HMCES: variants seen among roughly 807,000 people sequenced by gnomAD.
HMCES encodes abasic site processing protein HMCES.
Under a neutral mutation model 35.1 loss-of-function variants are expected in HMCES, and 27 were observed. The observed-to-expected ratio is 0.77, with a 90% CI of 0.57 to 1.06. The LOEUF (loss-of-function observed/expected upper bound fraction) is 1.06. HMCES is among the 50% of genes least tolerant of loss of function. HMCES has a pLI of 0.00. For synonymous variants in HMCES, 130 were observed against 154.7 expected (o/e 0.84, Z 1.18); for missense variants, 391 against 430.4 (o/e 0.91, Z 0.81).
intron 5 of HMCES, among the ~76,000 whole-genome samples, chr3:129,299,829 C>T (rs1057211014): frequency 2.6e-5 from 4 of 151,560 alleles, no homozygotes; most frequent in Non-Finnish European, 5.9e-5. Flanking sequence ...CAGGGTTTCG[C>T]CATGTTACCC....
chr3:129,280,508 A>T (rs1475942885), intron 2 of HMCES, among the ~76,000 whole-genome samples: 7 of 152,342 alleles, frequency 4.6e-5, no homozygotes, highest in Non-Finnish European at 5.9e-5. Flanking sequence ...GAAAAAATTT[A>T]AAAAAATAAA....
intron 4 of HMCES, among the ~76,000 whole-genome samples, chr3:129,295,367 G>T (rs1271367464): frequency 6.7e-6 from 1 of 149,740 alleles, no homozygotes; most frequent in Non-Finnish European, 1.5e-5. Context: ...AGCTTAGGAG[G>T]TCGAAGTTGC....
rs773572230 is a variant in HMCES at position 129,302,143 on chromosome 3, G to A, written c.828+1G>A. 1.4e-5 allele frequency: 22 copies of A among 1,609,892 alleles called. No individual in the cohort carries two copies. Among genetic ancestry groups the A allele is most frequent in the Non-Finnish European group, 1.9e-5 (22 of 1,178,380 alleles). On this transcript the variant is annotated splice_donor_variant, in intron 6 of 6. Transcript: ENST00000383463. LOFTEE classifies it high-confidence loss of function. ...TCCTGTCGACTTGGTGGTCAAAAAG[G>A]TAGGGGCCTGTGACTGGTACAGTCC...
Position 129,302,066 on chromosome 3 carries a change from C to G in HMCES, c.752C>G (p.Ala251Gly). 6.2e-7 allele frequency: 1 copy of G among 1,614,204 alleles called. No individual in the cohort carries two copies. Among genetic ancestry groups the G allele is most frequent in the Non-Finnish European group, 8.5e-7 (1 of 1,180,024 alleles). The change falls in exon 6 of 7, where the codon GCA becomes GGA. Residue 251 changes from alanine to glycine, a missense_variant. Physicochemically the swap from Ala to Gly is moderately conservative, Grantham distance 60. Coordinates refer to ENST00000383463, the MANE Select transcript of HMCES (RefSeq NM_020187.3). Reference sequence around the variant, plus strand: ...CCAACAGAGAACATCACCTTCCATGCAGTCTCTTCTGTGGTGAACAACTCG... The same window carrying G: ...CCAACAGAGAACATCACCTTCCATGGAGTCTCTTCTGTGGTGAACAACTCG... ...IHPTENITFH[A>G]VSSVVNNSRN...
chr3:129,291,904 A>G (rs940593771), intron 4 of HMCES, among the ~76,000 whole-genome samples: 3 of 152,318 alleles, frequency 2.0e-5, no homozygotes, highest in Middle Eastern at 3.4e-3. Flanking sequence ...CAATCTGGGC[A>G]ACATGGCGAA....
chr3:129,302,272 T>G, intron 6 of HMCES, 130 bp downstream of exon 6: 1 of 738,870 alleles, frequency 1.4e-6, no homozygotes, highest in South Asian at 2.0e-5. Flanking sequence ...ATACTCCTTG[T>G]ACACAGCAAG....
At chr3:129,288,810 G>C in intron 2 of HMCES, 44 bp from the exon 3 acceptor site, 2 of 1,358,324 alleles carry the variant, frequency 1.5e-6, no homozygotes, top group Non-Finnish European at 9.8e-7. Flanking sequence ...AATTAGGTTA[G>C]AATTTCATTA....
chr3:129,291,891 G>A (rs1034266242), intron 4 of HMCES, among the ~76,000 whole-genome samples: 2 of 152,252 alleles, frequency 1.3e-5, no homozygotes, highest in African/African-American at 4.8e-5. Flanking sequence ...AGGAGTTCAA[G>A]ACCAATCTGG....
intron 3 of HMCES, 43 bp from the exon 4 acceptor site, chr3:129,290,636 G>T (rs1412435542): frequency 1.9e-6 from 3 of 1,584,676 alleles, no homozygotes; most frequent in South Asian, 2.3e-5. Flanking sequence ...TGTGAAACAT[G>T]ATTGTATCAC....
At chr3:129,283,552 C>T (rs1225139526) in intron 2 of HMCES, among the ~76,000 whole-genome samples, 1 of 152,002 alleles carries the variant, frequency 6.6e-6, no homozygotes, top group African/African-American at 2.4e-5. Flanking sequence ...GAGCTCAGGC[C>T]AGGTGCAGAG....
chr3:129,304,522 C>T lies in HMCES; in HGVS notation c.829-67C>T, dbSNP rs2071210914. ...CCTAATGCCTCTTCCCCTGTTTCTT[C>T]CCTTGGACTTGGCCTTTTCCCAAAA... On this transcript the variant is annotated intron_variant, in intron 6 of 6. Transcript: ENST00000383463. 3.0e-6 allele frequency: 4 copies of T among 1,355,796 alleles called. No homozygotes were observed. The African/African-American group carries it at 4.3e-5, about 15-fold the overall frequency. 84.0% of individuals were successfully genotyped at this position (1,355,796 alleles called of 1,614,324 possible). A position where few individuals can be genotyped will look rare whatever the true frequency, so the allele number is the denominator to read the frequency against.
intron 2 of HMCES, among the ~76,000 whole-genome samples, chr3:129,281,461 C>T (rs1221749910): frequency 7.2e-5 from 11 of 151,728 alleles, no homozygotes; most frequent in Non-Finnish European, 1.5e-4. Flanking sequence ...GAGGCCAAGA[C>T]GGCTGGACCA....
At chr3:129,289,399 T>C (rs1251906873) in intron 3 of HMCES, among the ~76,000 whole-genome samples, 2 of 152,228 alleles carry the variant, frequency 1.3e-5, no homozygotes, top group Non-Finnish European at 2.9e-5. Flanking sequence ...GTAGCCAGGC[T>C]TCTGTTACGG....
At chr3:129,280,086 G>C (rs1185380200) in intron 2 of HMCES, among the ~76,000 whole-genome samples, 171 bp downstream of exon 2, 1 of 152,192 alleles carries the variant, frequency 6.6e-6, no homozygotes, top group Non-Finnish European at 1.5e-5. Flanking sequence ...AGTTTTATCA[G>C]TGGCTTCTAA....
Position 129,279,722 on chromosome 3 carries a change from G to C in HMCES, c.-11G>C, listed in dbSNP as rs373040404. ...TTGTAATTTAAAGGTTGCGAGGGGC[G>C]GTGTTGAAGAATGTGTGGGCGAACA... On this transcript the variant is annotated 5_prime_UTR_variant, in exon 2 of 7. Transcript: ENST00000383463. This position sits in a 1 kb window ranked among gnomAD's most constrained non-coding sequence, Gnocchi z 4.2. 1 of 1,612,048 alleles carries C rather than the reference G, an allele frequency of 6.2e-7. No individual in the cohort carries two copies. The highest frequency in any genetic ancestry group is 1.7e-5 in the Admixed American group (1 of 59,450).
rs531081199 is a variant in HMCES, at chr3:129,285,902, G to A, written c.184-2952G>A. Among the ~76,000 whole-genome samples the A allele has an allele frequency of 3.3e-5, 5 of 151,978 alleles. No individual in the cohort carries two copies. In the East Asian group the frequency reaches 9.7e-4, roughly 29 times the overall value. ...ACGCCACCACACCCAGCTAATTTTTGTATTTTTAGGAAAGATGGGGTTTTG... is the reference window on the plus strand; with the variant it reads ...ACGCCACCACACCCAGCTAATTTTTATATTTTTAGGAAAGATGGGGTTTTG... On this transcript the variant is annotated intron_variant, in intron 2 of 6. Transcript: ENST00000383463.
At chr3:129,292,225 A>T (rs1364172595) in intron 4 of HMCES, among the ~76,000 whole-genome samples, 3 of 152,060 alleles carry the variant, frequency 2.0e-5, no homozygotes, top group Non-Finnish European at 4.4e-5. Context: ...AAAGCACCTG[A>T]GTTCTTAGCA....
At chr3:129,284,093 C>A (rs1235606668) in intron 2 of HMCES, among the ~76,000 whole-genome samples, 1 of 152,218 alleles carries the variant, frequency 6.6e-6, no homozygotes, top group Non-Finnish European at 1.5e-5. Context: ...CTTTTGCAAT[C>A]ATTGGTGCAC....
chr3:129,291,337 T>A (rs1461429510), intron 4 of HMCES, among the ~76,000 whole-genome samples: 4 of 152,236 alleles, frequency 2.6e-5, no homozygotes, highest in African/African-American at 9.6e-5. Flanking sequence ...TTTTAGAATA[T>A]TTTTATCACT....
Sources: gnomAD v4.1 joint callset for allele counts (sites outside exome capture counted in the v4.1 genomes callset) on GRCh38, gnomAD v4.1.1 for gene constraint, Gnocchi (gnomAD v3.1) non-coding constraint, MANE v1.5 for transcripts, NCBI Gene and HGNC (gene_info 2026-07-23, HGNC 2026-07-21) for gene names.